The following SET variants were observed in gnomAD, a reference collection of about 807,000 sequenced individuals.
The protein encoded by SET is protein SET.
A neutral mutation model predicts 39.0 loss-of-function variants in SET; 4 were observed. The ratio of observed to expected loss-of-function variants is 0.10; its 90% CI spans 0.05 to 0.23. SET has a LOEUF of 0.23. SET is among the 10% of genes least tolerant of loss of function. The pLI is 1.00. For missense variants in SET, 137 were observed against 329.7 expected, an observed-to-expected ratio of 0.42 and a Z score of 4.53; for synonymous variants, 114 against 115.9, an observed-to-expected ratio of 0.98 and a Z score of 0.11.
rs1360872633 is a variant in SET, at chr9:128,693,107, C to T, written c.492+126C>T. 5 of 667,118 alleles carry T rather than the reference C, an allele frequency of 7.5e-6. No homozygotes were observed. The East Asian group carries it at 1.4e-4, about 18-fold the overall frequency. The allele number at this position is 667,118 out of a possible 1,614,324, so 41.3% of individuals were successfully genotyped here. Reference sequence around the variant, plus strand: ...ACAAAACCTTAAAATATAAAACGTTCCAGTGTGCTGAAGCCAAGTATTACA... The same window carrying T: ...ACAAAACCTTAAAATATAAAACGTTTCAGTGTGCTGAAGCCAAGTATTACA... On this transcript the variant is annotated intron_variant, in intron 5 of 7. Transcript: ENST00000322030.
upstream of SET, chr9:128,684,995 G>A (rs1195443544): frequency 2.1e-6 from 3 of 1,439,734 alleles, no homozygotes; most frequent in South Asian, 3.0e-5. Flanking sequence ...GGGTTGTGGT[G>A]GAGCCTTCCT....
In SET at chr9:128,689,345, G is replaced by T. The variant is rs1197074976; in HGVS notation, c.-238G>T. ...CCGCCGCCGCCTCCGCCTCCCCTCC[G>T]CGAACAGGAGCCCGGGCCGGGGCCC... On this transcript the variant is annotated 5_prime_UTR_variant, in exon 1 of 8. Transcript: ENST00000322030. The T allele has an allele frequency of 1.1e-4, 117 of 1,041,340 alleles. 1 individual carries two copies. The highest frequency in any genetic ancestry group is 1.4e-4 in the Non-Finnish European group (117 of 863,606). The allele number at this position is 1,041,340 out of a possible 1,614,324, so 64.5% of individuals were successfully genotyped here. A position where few individuals can be genotyped will look rare whatever the true frequency, so the allele number is the denominator to read the frequency against.
At position 128,693,001 on chromosome 9, in the gene SET, T is replaced by A. The variant is rs1395347532; in HGVS notation, c.492+20T>A. ...GGAAAGGTATGTTTTGAGGAATTAT[T>A]TGACAAAAATAGCATTTTGCCTATT... On this transcript the variant is annotated intron_variant, in intron 5 of 7. Coordinates refer to ENST00000322030, the MANE Select transcript of SET (RefSeq NM_003011.4). The A allele has an allele frequency of 6.7e-7, 1 of 1,481,758 alleles. No individual in the cohort carries two copies. Among genetic ancestry groups the A allele is most frequent in the Non-Finnish European group, 9.4e-7 (1 of 1,065,790 alleles). 91.8% of individuals were successfully genotyped at this position (1,481,758 alleles called of 1,614,324 possible). A position where few individuals can be genotyped will look rare whatever the true frequency, so the allele number is the denominator to read the frequency against.
upstream of SET, among the ~76,000 whole-genome samples, chr9:128,686,360 C>T (rs370519175): frequency 4.6e-5 from 7 of 152,170 alleles, no homozygotes; most frequent in South Asian, 1.5e-3. Context: ...ACCTGAAAGC[C>T]CACTCCCCCA....
chr9:128,691,428 T>G (rs1365436450), intron 2 of SET, among the ~76,000 whole-genome samples: 1 of 152,224 alleles, frequency 6.6e-6, no homozygotes, highest in African/African-American at 2.4e-5. Flanking sequence ...CTTACAAGGT[T>G]TGGGTTTGCT....
At chr9:128,690,308 G>A (rs937926121) in intron 1 of SET, 2 of 152,790 alleles carry the variant, frequency 1.3e-5, no homozygotes, top group Non-Finnish European at 2.9e-5. Flanking sequence ...AGTGTATCGG[G>A]GGTCTTGGAA....
In SET at chr9:128,692,019, A is replaced by G. The variant is rs1438743097; in HGVS notation, c.274+19A>G. Reference sequence around the variant, plus strand: ...CCACAAGGTATGTTTTGGACAGGGCATTGTTAAAGGATAAACAGTGTTTGT... The same window carrying G: ...CCACAAGGTATGTTTTGGACAGGGCGTTGTTAAAGGATAAACAGTGTTTGT... On this transcript the variant is annotated intron_variant, in intron 3 of 7. Coordinates refer to ENST00000322030, the MANE Select transcript of SET (RefSeq NM_003011.4). 1.2e-6 allele frequency: 2 copies of G among 1,612,666 alleles called. No homozygotes were observed. Among genetic ancestry groups the G allele is most frequent in the Non-Finnish European group, 1.7e-6 (2 of 1,179,280 alleles).
intron 7 of SET, 137 bp downstream of exon 7, chr9:128,694,179 C>G: frequency 1.1e-5 from 9 of 847,406 alleles, no homozygotes; most frequent in Non-Finnish European, 1.5e-5. Flanking sequence ...TTTTGTTGTT[C>G]AAGAATTAAG....
At chr9:128,693,588 T>G in intron 5 of SET, 50 bp from the exon 6 acceptor site, 2 of 1,510,880 alleles carry the variant, frequency 1.3e-6, no homozygotes, top group African/African-American at 1.4e-5. Context: ...TATAGGGAGT[T>G]TGGGTGTTAT....
At chr9:128,692,504 TAGTGAC>T (rs1182213535) in intron 3 of SET, 152 bp from the exon 4 acceptor site, 1 of 558,576 alleles carries the variant, frequency 1.8e-6, no homozygotes, top group Non-Finnish European at 3.2e-6. Flanking sequence ...TGATGAAAGA[TAGTGAC>T]AGTCTGATAT....
rs957329534 is a variant in SET, at chr9:128,689,256, C to T, written c.-327C>T. On this transcript the variant is annotated 5_prime_UTR_variant, in exon 1 of 8. Transcript: ENST00000322030. ...TAGGAGGAGGTGGAGGAGGAGGCGG[C>T]TCGGGAGAGCGAGCAGCGAGCTGGC... 5.6e-4 allele frequency: 567 copies of T among 1,004,674 alleles called. No individual in the cohort carries two copies. Among genetic ancestry groups the T allele is most frequent in the Admixed American group, 2.7e-3 (45 of 16,622 alleles). The allele number at this position is 1,004,674 out of a possible 1,614,324, so 62.2% of individuals were successfully genotyped here. A position where few individuals can be genotyped will look rare whatever the true frequency, so the allele number is the denominator to read the frequency against.
Position 128,691,847 on chromosome 9 carries a change from A to G in SET, c.132-11A>G, listed in dbSNP as rs1376630874. 3 of 1,601,594 alleles carry G rather than the reference A, an allele frequency of 1.9e-6. No homozygotes were observed. The highest frequency in any genetic ancestry group is 2.7e-5 in the African/African-American group (2 of 74,256). On this transcript the variant is annotated splice_polypyrimidine_tract_variant and intron_variant, in intron 2 of 7. Coordinates refer to ENST00000322030, the MANE Select transcript of SET (RefSeq NM_003011.4). ...ACTATCATTGTCAACATCTCTTTTC[A>G]TTTGCTTCAGACTTAATGAACAAGC...
At chr9:128,691,372 T>G (rs1861529984) in intron 2 of SET, 145 bp downstream of exon 2, 2 of 634,656 alleles carry the variant, frequency 3.2e-6, no homozygotes, top group Admixed American at 3.3e-5. Flanking sequence ...AGATTCAGTG[T>G]TTTTTGGTGA....
At chr9:128,686,700 G>A (rs753721279), upstream of SET, among the ~76,000 whole-genome samples, 2 of 152,172 alleles carry the variant, frequency 1.3e-5, no homozygotes, top group African/African-American at 4.8e-5. Context: ...GGCAGGGTGC[G>A]ATGGCTAACT....
intron 6 of SET, 42 bp downstream of exon 6, chr9:128,693,850 G>A (rs200696036): frequency 9.4e-5 from 150 of 1,603,588 alleles, no homozygotes; most frequent in African/African-American, 3.2e-4. Context: ...GACTTGTCTC[G>A]GTTGTTTAAA....
At chr9:128,692,100 A>T in intron 3 of SET, 100 bp downstream of exon 3, 1 of 1,424,518 alleles carries the variant, frequency 7.0e-7, no homozygotes, top group Non-Finnish European at 9.6e-7. Flanking sequence ...TGCGTGCAAC[A>T]AAGACAGGCT....
upstream of SET, among the ~76,000 whole-genome samples, chr9:128,688,234 TA>T (rs1361921180): frequency 1.3e-5 from 2 of 152,186 alleles, no homozygotes; most frequent in African/African-American, 4.8e-5. Flanking sequence ...CAAATGCTAC[TA>T]ATCAGGGTTT....
chr9:128,694,012 TGAA>T lies in SET; in HGVS notation c.783_785del (p.Glu261del), dbSNP rs1458424469. ...GGGATGAGGATGAAGGTGAAGAAGATGAAGATGATGATGAAGGGGAGGAAGGAG... is the reference window on the plus strand; with the variant it reads ...GGGATGAGGATGAAGGTGAAGAAGATGATGATGATGAAGGGGAGGAAGGAG... On this transcript the variant is annotated inframe_deletion, in exon 7 of 8. Coordinates refer to ENST00000322030, the MANE Select transcript of SET (RefSeq NM_003011.4). 1.2e-5 allele frequency: 18 copies of T among 1,538,514 alleles called. No individual in the cohort carries two copies. The highest frequency in any genetic ancestry group is 2.3e-5 in the East Asian group (1 of 43,358).
At chr9:128,683,429 G>A, upstream of SET, 1 of 224,090 alleles carries the variant, frequency 4.5e-6, no homozygotes, top group Non-Finnish European at 8.9e-6. Flanking sequence ...GGTTTACTGA[G>A]GAATGTTCCA....
Sources: gnomAD v4.1 joint callset for allele counts (sites outside exome capture counted in the v4.1 genomes callset) on GRCh38, gnomAD v4.1.1 for gene constraint, MANE v1.5 for transcripts, NCBI Gene and HGNC (gene_info 2026-07-23, HGNC 2026-07-21) for gene names.